The following CTIF variants were observed in gnomAD, a reference collection of about 807,000 sequenced individuals.
CTIF encodes the protein cap binding complex dependent translation initiation factor.
Under a neutral mutation model 66.0 loss-of-function variants are expected in CTIF, and 21 were observed. The observed-to-expected ratio is 0.32, with a 90% confidence interval of 0.23 to 0.46. The LOEUF (loss-of-function observed/expected upper bound fraction) is 0.46. CTIF is among the 20% of genes least tolerant of loss of function. CTIF has a pLI of 1.00. For synonymous variants in CTIF, 345 were observed against 326.4 expected, an observed-to-expected ratio of 1.06 and a Z score of -0.62; for missense variants, 739 against 812.7, an observed-to-expected ratio of 0.91 and a Z score of 1.10.
chr18:48,842,028 G>A (rs1260972874), intron 10 of CTIF, among the ~76,000 whole-genome samples: 1 of 152,206 alleles, frequency 6.6e-6, no homozygotes, highest in Non-Finnish European at 1.5e-5. Flanking sequence ...CTCAATCGGG[G>A]GCAGTTAAGT....
intron 3 of CTIF, among the ~76,000 whole-genome samples, chr18:48,663,200 A>T (rs1427262169): frequency 6.6e-6 from 1 of 152,210 alleles, no homozygotes; most frequent in Non-Finnish European, 1.5e-5. Context: ...AGAGCAGAGA[A>T]ACCAAATCAT....
intron 9 of CTIF, among the ~76,000 whole-genome samples, chr18:48,815,774 A>G (rs957103209): frequency 6.6e-6 from 1 of 152,202 alleles, no homozygotes; most frequent in African/African-American, 2.4e-5. Flanking sequence ...GGTGCCAAGG[A>G]TGCTTGGCTG....
At chr18:48,664,379 C>T (rs2091398604) in intron 4 of CTIF, 68 bp from the exon 5 acceptor site, 1 of 1,388,070 alleles carries the variant, frequency 7.2e-7, no homozygotes. Context: ...CAGCCTGGCC[C>T]CCTGGTTCCG....
chr18:48,821,999 G>T (rs1307731919), intron 10 of CTIF, among the ~76,000 whole-genome samples: 2 of 152,108 alleles, frequency 1.3e-5, no homozygotes, highest in Admixed American at 6.6e-5. Context: ...CTTCCCCCTA[G>T]CCTCTGGCAA....
intron 10 of CTIF, among the ~76,000 whole-genome samples, chr18:48,842,676 G>T (rs886283214): frequency 7.2e-5 from 11 of 152,334 alleles, no homozygotes; most frequent in Non-Finnish European, 1.5e-4. Flanking sequence ...AGTTACTATG[G>T]GAACTATAAC....
chr18:48,680,710 G>A (rs1190803475), intron 6 of CTIF, among the ~76,000 whole-genome samples: 1 of 152,256 alleles, frequency 6.6e-6, no homozygotes, highest in Non-Finnish European at 1.5e-5. Flanking sequence ...ACTTGGGCCA[G>A]GCCTGGTTGA....
chr18:48,639,946 G>T (rs2090896699), intron 3 of CTIF, among the ~76,000 whole-genome samples: 1 of 152,190 alleles, frequency 6.6e-6, no homozygotes, highest in South Asian at 2.1e-4. Context: ...AGGGATCAAA[G>T]CTGGGCGGCT....
At chr18:48,582,695 G>T (rs1599183046) in intron 1 of CTIF, among the ~76,000 whole-genome samples, 1 of 152,112 alleles carries the variant, frequency 6.6e-6, no homozygotes. Flanking sequence ...TAGTAGTGGT[G>T]GTGGTAATAA....
At chr18:48,629,595 T>C (rs1403474706) in intron 2 of CTIF, among the ~76,000 whole-genome samples, 1 of 150,798 alleles carries the variant, frequency 6.6e-6, no homozygotes, top group Non-Finnish European at 1.5e-5. Flanking sequence ...TGATTAAACC[T>C]ACAGCTCTTT....
At chr18:48,665,841 T>C (rs920126356) in intron 5 of CTIF, among the ~76,000 whole-genome samples, 3 of 152,240 alleles carry the variant, frequency 2.0e-5, no homozygotes, top group African/African-American at 7.2e-5. Flanking sequence ...GTCCATTGTA[T>C]GGATATACCA....
intron 7 of CTIF, among the ~76,000 whole-genome samples, chr18:48,718,998 G>A (rs1229149650): frequency 6.6e-6 from 1 of 152,218 alleles, no homozygotes; most frequent in Non-Finnish European, 1.5e-5. Context: ...TTCTCTTGCA[G>A]AAGGCAAACT....
At chr18:48,754,437 C>T (rs1908142651) in intron 7 of CTIF, among the ~76,000 whole-genome samples, 1 of 152,190 alleles carries the variant, frequency 6.6e-6, no homozygotes, top group African/African-American at 2.4e-5. Context: ...AGGCCAGTCC[C>T]AGCAATCACT....
At chr18:48,685,537 T>C (rs1432264430) in intron 6 of CTIF, among the ~76,000 whole-genome samples, 1 of 151,996 alleles carries the variant, frequency 6.6e-6, no homozygotes, top group Non-Finnish European at 1.5e-5. Flanking sequence ...ATGTGCACTT[T>C]TTAAGGGAAT....
At chr18:48,601,347 C>T (rs1225430014) in intron 1 of CTIF, among the ~76,000 whole-genome samples, 1 of 152,160 alleles carries the variant, frequency 6.6e-6, no homozygotes, top group African/African-American at 2.4e-5. Context: ...ATTTAGCAGC[C>T]TTCTGATCTC....
At chr18:48,605,572 C>T (rs1209058835) in intron 1 of CTIF, among the ~76,000 whole-genome samples, 5 of 152,190 alleles carry the variant, frequency 3.3e-5, no homozygotes, top group African/African-American at 1.2e-4. Context: ...TGAAATTAAC[C>T]ACAGAAATAA....
chr18:48,730,793 C>T (rs2092450095), intron 7 of CTIF, among the ~76,000 whole-genome samples: 1 of 146,890 alleles, frequency 6.8e-6, no homozygotes, highest in African/African-American at 2.5e-5. Flanking sequence ...GAAGGGCCCC[C>T]TGTGGTGTGA....
At chr18:48,619,483 A>C in intron 1 of CTIF, 55 bp from the exon 2 acceptor site, 1 of 1,174,806 alleles carries the variant, frequency 8.5e-7, no homozygotes, top group Non-Finnish European at 1.1e-6. Flanking sequence ...AGGTGTGGGC[A>C]TCGTCGTCTC....
At chr18:48,680,397 A>C (rs1222010739) in intron 6 of CTIF, among the ~76,000 whole-genome samples, 5 of 152,258 alleles carry the variant, frequency 3.3e-5, no homozygotes, top group African/African-American at 1.2e-4. Context: ...GCCTTCCTCA[A>C]GGTCTCAGCT....
intron 1 of CTIF, among the ~76,000 whole-genome samples, chr18:48,607,533 A>C (rs1410330355): frequency 6.6e-6 from 1 of 152,234 alleles, no homozygotes; most frequent in African/African-American, 2.4e-5. Flanking sequence ...GGAATCCATC[A>C]TGAAACTGTC....
Sources: gnomAD v4.1 joint callset for allele counts (sites outside exome capture counted in the v4.1 genomes callset) on GRCh38, gnomAD v4.1.1 for gene constraint, MANE v1.5 for transcripts, NCBI Gene and HGNC (gene_info 2026-07-23, HGNC 2026-07-21) for gene names.